Variants in PTPRE observed in about 807,000 individuals in gnomAD.
PTPRE encodes receptor-type tyrosine-protein phosphatase epsilon.
A neutral mutation model predicts 102.0 loss-of-function variants in PTPRE; 51 were observed. The ratio of observed to expected loss-of-function variants is 0.50; its 90% CI spans 0.40 to 0.63. PTPRE has a LOEUF of 0.63. Ranked by LOEUF, PTPRE falls within the 30% of genes least tolerant of loss-of-function variation. The pLI, the probability that PTPRE is intolerant of heterozygous loss-of-function variation, is 0.00. For missense variants in PTPRE, 752 were observed against 915.1 expected, an observed-to-expected ratio of 0.82 and a Z score of 2.30; for synonymous variants, 345 against 348.2, an observed-to-expected ratio of 0.99 and a Z score of 0.10.
At chr10:127,955,438 A>G in intron 1 of PTPRE, among the ~76,000 whole-genome samples, 1 of 152,216 alleles carries the variant, frequency 6.6e-6, no homozygotes, top group East Asian at 1.9e-4. Flanking sequence ...CCATGTAACC[A>G]GTTACAGAAA....
intron 1 of PTPRE, among the ~76,000 whole-genome samples, chr10:127,978,428 C>T (rs1188687195): frequency 6.6e-6 from 1 of 152,060 alleles, no homozygotes. Flanking sequence ...GTCCCAGCTA[C>T]TCGGGGGGTG....
chr10:127,937,696 T>C (rs1847934374), intron 1 of PTPRE, among the ~76,000 whole-genome samples: 1 of 150,474 alleles, frequency 6.6e-6, no homozygotes, highest in African/African-American at 2.4e-5. Context: ...CCATCTCTAC[T>C]AAAAATACAA....
rs950893029 is a variant in PTPRE, at chr10:128,069,626, C to G, written c.1008-66C>G. Reference sequence around the variant, plus strand: ...AGTGACCTGGGTGCGCAGGCCCCTTCGGGGCCTTTCATTTACTTCGGGAGG... The same window carrying G: ...AGTGACCTGGGTGCGCAGGCCCCTTGGGGGCCTTTCATTTACTTCGGGAGG... On this transcript the variant is annotated intron_variant, in intron 12 of 20. Transcript: ENST00000254667. 4 of 1,594,894 alleles carry G rather than the reference C, an allele frequency of 2.5e-6. No homozygotes were observed. In the East Asian group the frequency reaches 9.0e-5, roughly 36 times the overall value.
intron 2 of PTPRE, among the ~76,000 whole-genome samples, chr10:128,002,069 G>A (rs1209437201): frequency 6.6e-6 from 1 of 152,214 alleles, no homozygotes; most frequent in African/African-American, 2.4e-5. Flanking sequence ...CGGGAGCACA[G>A]ATCCAGGCCG....
At chr10:127,992,528 G>A (rs929245789) in intron 2 of PTPRE, among the ~76,000 whole-genome samples, 13 of 152,266 alleles carry the variant, frequency 8.5e-5, no homozygotes, top group Admixed American at 2.0e-4. Flanking sequence ...TCCTGAAGCC[G>A]AGCTTCCCTG....
chr10:127,913,640 C>A (rs150407982), intron 1 of PTPRE, among the ~76,000 whole-genome samples: 48 of 152,298 alleles, frequency 3.2e-4, no homozygotes, highest in African/African-American at 1.1e-3. Flanking sequence ...GGCCCTGACT[C>A]CTCGGCTAAC....
chr10:127,966,170 A>T (rs1023581855), intron 1 of PTPRE, among the ~76,000 whole-genome samples: 2 of 152,196 alleles, frequency 1.3e-5, no homozygotes, highest in African/African-American at 4.8e-5. Context: ...AAGCTCAAAG[A>T]GGTCCTATGC....
chr10:128,069,813 A>G lies in PTPRE; in HGVS notation c.1129A>G (p.Met377Val), dbSNP rs947319589. 2.5e-6 allele frequency: 4 copies of G among 1,614,098 alleles called. No individual in the cohort carries two copies. The highest frequency in any genetic ancestry group is 1.7e-5 in the Admixed American group (1 of 60,006). ...TCGAATCCGTAATCAGCGCCCTCAG[A>G]TGGTTCAAACGGATGTGAGTCATGC... is the stretch of plus-strand genomic sequence containing the variant. The part of the protein sequence containing the change: ...VSRIRNQRPQ[M>V]VQTDMQYTFI... The change falls in exon 13 of 21, where the codon ATG (methionine) becomes GTG (valine). Residue 377 changes from methionine (M) to valine (V), a missense_variant. Physicochemically the swap from Met to Val is conservative, Grantham distance 21 (BLOSUM62 1). Transcript: ENST00000254667.
At chr10:127,929,835 T>C (rs1214320947) in intron 1 of PTPRE, among the ~76,000 whole-genome samples, 1 of 152,126 alleles carries the variant, frequency 6.6e-6, no homozygotes, top group Admixed American at 6.5e-5. Context: ...GGCAGGCAGA[T>C]CACTTGAGGT....
chr10:128,064,278 G>A (rs768106449), intron 10 of PTPRE, among the ~76,000 whole-genome samples: 2 of 152,242 alleles, frequency 1.3e-5, no homozygotes, highest in Non-Finnish European at 2.9e-5. Context: ...TCCAGCCACC[G>A]TTTCTGGTCA....
At chr10:127,974,378 G>A (rs11015984) in intron 1 of PTPRE, among the ~76,000 whole-genome samples, 26,131 of 152,196 alleles carry the variant, frequency 0.17, 2,400 homozygotes, top group East Asian at 0.2. Context: ...TTTCCAGAAT[G>A]TTCCATACAC....
intron 4 of PTPRE, 112 bp downstream of exon 4, chr10:128,047,601 G>T (rs369116008): frequency 1.4e-5 from 23 of 1,613,022 alleles, no homozygotes; most frequent in Non-Finnish European, 1.8e-5. Context: ...AGGCTGGGTG[G>T]CTGGGCCTGG....
At chr10:127,981,913 G>C (rs1214287609) in intron 1 of PTPRE, among the ~76,000 whole-genome samples, 1 of 152,156 alleles carries the variant, frequency 6.6e-6, no homozygotes, top group Non-Finnish European at 1.5e-5. Context: ...CCCAGACCAG[G>C]TTGTAAAAGG....
chr10:128,030,173 C>A (rs1347695497), intron 2 of PTPRE, among the ~76,000 whole-genome samples: 1 of 152,236 alleles, frequency 6.6e-6, no homozygotes, highest in Non-Finnish European at 1.5e-5. Flanking sequence ...CAGCAAACAC[C>A]ACCGTTCGCT....
Position 128,068,242 on chromosome 10 carries a change from G to A in PTPRE, c.963G>A (p.Lys321=), listed in dbSNP as rs1222335749. The change falls in exon 12 of 21, where the codon AAG becomes AAA. Residue 321 remains lysine, a synonymous_variant. Transcript: ENST00000254667. The stretch of plus-strand genomic sequence containing the variant: ...TGCTGAAGTTCCTCAAGAAAGTAAA[G>A]ACGCTCAACCCCGTGCACGCTGGGC... ...IGMLKFLKKV[K]TLNPVHAGPI... 6.2e-7 allele frequency: 1 copy of A among 1,614,186 alleles called. No homozygotes were observed. Among genetic ancestry groups the A allele is most frequent in the South Asian group, 1.1e-5 (1 of 91,084 alleles).
rs1465426834 is a variant in PTPRE, at chr10:127,907,283, C to T, written c.-57C>T. ...TGCGGAGCCTCCGCTGCAGCGCGAT[C>T]TGCGCGACCAGACCGGCCCCCCCGA... is the stretch of plus-strand genomic sequence containing the variant. On this transcript the variant is annotated 5_prime_UTR_variant, in exon 1 of 21. Transcript: ENST00000254667. The surrounding 1 kb of genome is among the most constrained non-coding windows in gnomAD (Gnocchi z 4.8). The T allele has an allele frequency of 4.1e-6, 4 of 984,598 alleles. No individual in the cohort carries two copies. Among genetic ancestry groups the T allele is most frequent in the Non-Finnish European group, 3.6e-6 (3 of 829,722 alleles). The allele number at this position is 984,598 out of a possible 1,614,324, so 61.0% of individuals were successfully genotyped here.
chr10:128,021,186 C>T (rs577064101), intron 2 of PTPRE, among the ~76,000 whole-genome samples: 3 of 152,328 alleles, frequency 2.0e-5, no homozygotes, highest in Admixed American at 1.3e-4. Context: ...CGAGCCACCG[C>T]GCCCGGCCGA....
chr10:127,934,413 G>A (rs975919854), intron 1 of PTPRE: 3 of 152,208 alleles, frequency 2.0e-5, no homozygotes, highest in Non-Finnish European at 4.4e-5. Context: ...CTGCCTTTCA[G>A]TAAGTAAGAC....
intron 1 of PTPRE, among the ~76,000 whole-genome samples, chr10:127,957,240 AT>A (rs1243557773): frequency 2.0e-5 from 3 of 152,060 alleles, no homozygotes; most frequent in African/African-American, 7.2e-5. Flanking sequence ...TTTTGAGTTA[AT>A]TTTTTGTGAA....
Sources: allele counts gnomAD v4.1 joint callset (sites outside exome capture counted in the v4.1 genomes callset), GRCh38; gene constraint gnomAD v4.1.1; non-coding constraint Gnocchi (gnomAD v3.1); transcripts MANE v1.5; gene names NCBI Gene and HGNC (gene_info 2026-07-23, HGNC 2026-07-21).